Variants in LARS2 observed in about 807,000 individuals in gnomAD.
LARS2 encodes leucine--tRNA ligase, mitochondrial.
Under a neutral mutation model 116.6 loss-of-function variants are expected in LARS2, and 81 were observed. That is an observed-to-expected ratio of 0.69 (90% CI 0.58 to 0.84). LARS2 has a LOEUF of 0.84. LARS2 is among the 40% of genes least tolerant of loss of function. The pLI is 0.00. For synonymous variants in LARS2, 396 were observed against 407.2 expected (o/e 0.97, Z 0.33); for missense variants, 968 against 1,114.5 (o/e 0.87, Z 1.87).
At chr3:45,513,495 A>G (rs1700320617) in intron 16 of LARS2, among the ~76,000 whole-genome samples, 1 of 152,158 alleles carries the variant, frequency 6.6e-6, no homozygotes, top group South Asian at 2.1e-4. Context: ...TTTCATTTGT[A>G]TGTAACAGAG....
At chr3:45,537,534 T>C (rs901353939) in intron 20 of LARS2, among the ~76,000 whole-genome samples, 3 of 152,240 alleles carry the variant, frequency 2.0e-5, no homozygotes, top group African/African-American at 7.2e-5. Context: ...TATACATGAA[T>C]GTGTGTGCTG....
At chr3:45,537,463 A>T (rs1700724112) in intron 20 of LARS2, among the ~76,000 whole-genome samples, 1 of 152,234 alleles carries the variant, frequency 6.6e-6, no homozygotes, top group Admixed American at 6.5e-5. Flanking sequence ...AAAATCATGT[A>T]AAAGTATGTG....
At chr3:45,490,145 A>C (rs1699889624) in intron 12 of LARS2, among the ~76,000 whole-genome samples, 1 of 152,230 alleles carries the variant, frequency 6.6e-6, no homozygotes, top group Non-Finnish European at 1.5e-5. Flanking sequence ...TCATGCTCTA[A>C]GATATGGACC....
intron 6 of LARS2, among the ~76,000 whole-genome samples, chr3:45,436,753 C>T (rs1344805188): frequency 6.8e-6 from 1 of 146,898 alleles, no homozygotes; most frequent in African/African-American, 2.5e-5. Flanking sequence ...GAGATTGCGC[C>T]ACTGCAGTCC....
At chr3:45,451,125 C>T (rs760850438) in intron 7 of LARS2, among the ~76,000 whole-genome samples, 4 of 151,934 alleles carry the variant, frequency 2.6e-5, no homozygotes, top group Non-Finnish European at 5.9e-5. Context: ...GAATAATTTG[C>T]GAATATTTTT....
intron 7 of LARS2, among the ~76,000 whole-genome samples, chr3:45,449,122 G>A (rs1029069695): frequency 2.6e-5 from 4 of 151,166 alleles, no homozygotes; most frequent in Non-Finnish European, 1.5e-5. Flanking sequence ...GAGGGAGAGT[G>A]TGAGGGAGGG....
intron 6 of LARS2, among the ~76,000 whole-genome samples, chr3:45,444,965 CT>C (rs1235688403): frequency 6.6e-6 from 1 of 152,092 alleles, no homozygotes; most frequent in East Asian, 1.9e-4. Context: ...ATTTCACACA[CT>C]TTTCTAAACC....
intron 13 of LARS2, among the ~76,000 whole-genome samples, chr3:45,493,883 T>C (rs749114270): frequency 3.3e-5 from 5 of 152,120 alleles, no homozygotes; most frequent in Admixed American, 6.5e-5. Flanking sequence ...GTTATTCCTT[T>C]TATAAATTGA....
chr3:45,406,912 A>G (rs992872407), intron 4 of LARS2, among the ~76,000 whole-genome samples: 1 of 152,194 alleles, frequency 6.6e-6, no homozygotes, highest in African/African-American at 2.4e-5. Flanking sequence ...TTGTGTTTTC[A>G]TATGTTGTAT....
chr3:45,457,466 G>A (rs1159326520), intron 7 of LARS2, among the ~76,000 whole-genome samples: 2 of 152,194 alleles, frequency 1.3e-5, no homozygotes, highest in Non-Finnish European at 2.9e-5. Context: ...ATCACCTGAG[G>A]TCAAGAGTTC....
At chr3:45,410,752 C>T (rs543793971) in intron 4 of LARS2, among the ~76,000 whole-genome samples, 145 of 152,330 alleles carry the variant, frequency 9.5e-4, no homozygotes, top group African/African-American at 3.4e-3. Context: ...GAGCCCTGTC[C>T]TCCTCCAGCG....
intron 5 of LARS2, among the ~76,000 whole-genome samples, chr3:45,419,276 G>T (rs746342990): frequency 6.6e-6 from 1 of 152,128 alleles, no homozygotes; most frequent in Non-Finnish European, 1.5e-5. Flanking sequence ...ATATATTAAG[G>T]CTTTTGTTTT....
At chr3:45,394,753 G>A in intron 3 of LARS2, 66 bp downstream of exon 3, 1 of 1,067,942 alleles carries the variant, frequency 9.4e-7, no homozygotes, top group Non-Finnish European at 1.4e-6. Flanking sequence ...CCTGGGGTTA[G>A]ACTACCTGGT....
chr3:45,504,377 A>G (rs1367413519), intron 15 of LARS2, among the ~76,000 whole-genome samples: 1 of 152,046 alleles, frequency 6.6e-6, no homozygotes, highest in Admixed American at 6.6e-5. Flanking sequence ...CCTTCCCTTC[A>G]CTTAACCCTC....
intron 4 of LARS2, 107 bp downstream of exon 4, chr3:45,400,480 A>AG (rs1423652066): frequency 9.0e-6 from 10 of 1,112,922 alleles, no homozygotes; most frequent in Non-Finnish European, 1.2e-5. Flanking sequence ...AGTTAAGATT[A>AG]GGACAGCTTT....
chr3:45,446,479 G>A (rs776432716), intron 6 of LARS2, among the ~76,000 whole-genome samples: 30 of 152,212 alleles, frequency 2.0e-4, no homozygotes, highest in Non-Finnish European at 3.8e-4. Flanking sequence ...TCATACTGAG[G>A]CAGGCAAATA....
chr3:45,474,626 T>A (rs1228935467), intron 9 of LARS2, among the ~76,000 whole-genome samples: 1 of 152,226 alleles, frequency 6.6e-6, no homozygotes, highest in Non-Finnish European at 1.5e-5. Flanking sequence ...TACATTTTAG[T>A]ACAGTCTTTG....
intron 8 of LARS2, among the ~76,000 whole-genome samples, chr3:45,473,263 T>C (rs983462782): frequency 5.9e-5 from 9 of 152,218 alleles, no homozygotes; most frequent in African/African-American, 1.9e-4. Flanking sequence ...TAAAATGAAA[T>C]ATGGGTGATC....
intron 6 of LARS2, among the ~76,000 whole-genome samples, chr3:45,440,518 T>C (rs759687663): frequency 9.2e-5 from 14 of 152,202 alleles, no homozygotes; most frequent in Non-Finnish European, 1.5e-4. Flanking sequence ...CCGCTCACCT[T>C]TCTGACATGC....
Sources: allele counts gnomAD v4.1 joint callset (sites outside exome capture counted in the v4.1 genomes callset), GRCh38; gene constraint gnomAD v4.1.1; transcripts MANE v1.5; gene names NCBI Gene and HGNC (gene_info 2026-07-23, HGNC 2026-07-21).